Variants in GLI3 observed in about 807,000 individuals in gnomAD.
GLI3 encodes GLI family zinc finger 3.
A neutral mutation model predicts 100.8 loss-of-function variants in GLI3; 20 were observed. The ratio of observed to expected loss-of-function variants is 0.20; its 90% CI spans 0.14 to 0.29. The LOEUF (loss-of-function observed/expected upper bound fraction) is 0.29. Among genes scored for constraint, GLI3 ranks in the 10% least tolerant of loss-of-function variants. The probability of loss-of-function intolerance (pLI) is 1.00; values close to 1 mark genes in which losing one functional copy is unlikely to be tolerated. For missense variants in GLI3, 2,040 were observed against 2,128.5 expected (o/e 0.96, Z 0.82); for synonymous variants, 938 against 860.5 (o/e 1.09, Z -1.58).
At chr7:41,981,561 G>T (rs1787669304) in intron 10 of GLI3, among the ~76,000 whole-genome samples, 1 of 152,112 alleles carries the variant, frequency 6.6e-6, no homozygotes, top group African/African-American at 2.4e-5. Flanking sequence ...GGAGGAGCTG[G>T]ACCCTAGAAA....
intron 3 of GLI3, among the ~76,000 whole-genome samples, chr7:42,103,749 C>T (rs1331985259): frequency 6.9e-6 from 1 of 144,166 alleles, no homozygotes; most frequent in Non-Finnish European, 1.5e-5. Context: ...TCCAAGAGCA[C>T]CCAAGATAAC....
intron 1 of GLI3, among the ~76,000 whole-genome samples, chr7:42,224,277 T>C (rs1788544298): frequency 6.6e-6 from 1 of 152,244 alleles, no homozygotes; most frequent in Non-Finnish European, 1.5e-5. Context: ...TCTTGCTTAT[T>C]TTTCTACATT....
chr7:41,965,307 T>G lies in GLI3; in HGVS notation c.3766A>C (p.Asn1256His). Residue 1256 changes from asparagine (N) to histidine (H), a missense_variant, in exon 15 of 15, where the codon AAC (asparagine) becomes CAC (histidine). This residue lies in a region of GLI3 where 1,041 missense variants were observed against 924.0 expected (regional missense o/e 1.13). Transcript: ENST00000395925. ...EQPCKAPQYG[N>H]CLNRQPVAPG... is the part of the protein sequence containing the mutation. ...GCCACTGGCTGCCTGTTGAGACAGT[T>G]CCCATACTGCGGGGCCTTACAGGGC... 6.2e-7 allele frequency: 1 copy of G among 1,613,966 alleles called. No individual in the cohort carries two copies. Among genetic ancestry groups the G allele is most frequent in the Non-Finnish European group, 8.5e-7 (1 of 1,179,934 alleles).
chr7:42,257,640 G>A (rs1028789458), intron 1 of GLI3, among the ~76,000 whole-genome samples: 1 of 152,072 alleles, frequency 6.6e-6, no homozygotes, highest in Non-Finnish European at 1.5e-5. Flanking sequence ...CACCGTGCAC[G>A]TCCCATTCAG....
At chr7:41,990,773 A>C (rs1432183387) in intron 10 of GLI3, among the ~76,000 whole-genome samples, 1 of 152,122 alleles carries the variant, frequency 6.6e-6, no homozygotes, top group Non-Finnish European at 1.5e-5. Flanking sequence ...GCTCTCCCTG[A>C]AGGCCTACTG....
intron 2 of GLI3, among the ~76,000 whole-genome samples, chr7:42,159,426 G>A (rs552434657): frequency 4.6e-5 from 7 of 152,294 alleles, no homozygotes; most frequent in Admixed American, 3.3e-4. Context: ...GGAAAGGAAT[G>A]CTAAATGAGT....
At chr7:42,254,190 G>T (rs1402845040) in intron 1 of GLI3, among the ~76,000 whole-genome samples, 3 of 140,854 alleles carry the variant, frequency 2.1e-5, no homozygotes, top group Non-Finnish European at 4.6e-5. Flanking sequence ...CTGCACTCCA[G>T]CCTGGGCAAC....
At chr7:42,110,479 CACAT>C (rs1244909527) in intron 3 of GLI3, among the ~76,000 whole-genome samples, 2 of 152,130 alleles carry the variant, frequency 1.3e-5, no homozygotes, top group African/African-American at 4.8e-5. Flanking sequence ...TCGTTATTTC[CACAT>C]ACAATCACCT....
Position 42,100,061 on chromosome 7 carries a change from A to C in GLI3, c.368-23204T>G, listed in dbSNP as rs201199021. On this transcript the variant is annotated intron_variant, in intron 3 of 14. Coordinates refer to ENST00000395925, the MANE Select transcript of GLI3 (RefSeq NM_000168.6). ...TGTGTCATCCTCTTCAAGTCTAAAC[A>C]CAGGCAGCTTTCTCATAGCAAGTGG... 1.4e-4 allele frequency among the ~76,000 whole-genome samples: 21 copies of C among 152,376 alleles called. 1 individual carries two copies. In the East Asian group the frequency reaches 3.7e-3, roughly 27 times the overall value.
rs75469478 is a variant in GLI3 at position 41,998,498 on chromosome 7, T to C, written c.1498-19750A>G. Among the ~76,000 whole-genome samples, 288 of 152,324 alleles carry C rather than the reference T, an allele frequency of 1.9e-3. 2 individuals carry two copies. Among genetic ancestry groups the C allele is most frequent in the East Asian group, 0.016 (81 of 5,170 alleles). On this transcript the variant is annotated intron_variant, in intron 10 of 14. Coordinates refer to ENST00000395925, the MANE Select transcript of GLI3 (RefSeq NM_000168.6). ...GGACCTATTCCATGGCCCTCACTTA[T>C]ATAATTTTTCCCTTCTTAAATGCCT...
intron 2 of GLI3, among the ~76,000 whole-genome samples, chr7:42,176,749 AGG>A (rs1196322229): frequency 6.6e-6 from 1 of 152,246 alleles, no homozygotes; most frequent in Non-Finnish European, 1.5e-5. Context: ...AGGTCAGTGA[AGG>A]TGGGATATTG....
chr7:42,102,895 G>A (rs1202868802), intron 3 of GLI3, among the ~76,000 whole-genome samples: 1 of 152,144 alleles, frequency 6.6e-6, no homozygotes, highest in Non-Finnish European at 1.5e-5. Context: ...CCTAATTGTG[G>A]CATATTATAA....
At chr7:42,152,186 T>G (rs1786887045) in intron 2 of GLI3, 1 of 153,698 alleles carries the variant, frequency 6.5e-6, no homozygotes, top group Admixed American at 6.5e-5. Flanking sequence ...TAAGGACACC[T>G]CCTGTCACCT....
chr7:42,045,112 A>G (rs1784218610), intron 6 of GLI3, among the ~76,000 whole-genome samples: 1 of 152,128 alleles, frequency 6.6e-6, no homozygotes, highest in Admixed American at 6.5e-5. Context: ...GATTTTTTTT[A>G]ACCAGCTAAT....
At chr7:42,103,796 C>G (rs76356935) in intron 3 of GLI3, among the ~76,000 whole-genome samples, 3,714 of 152,224 alleles carry the variant, frequency 0.024, 58 homozygotes, top group Middle Eastern at 0.031. Context: ...CTAAATCTGT[C>G]TCTCAAGCTT....
rs542306703 is a variant in GLI3, at chr7:42,207,871, A to T, written c.124+15259T>A. Among the ~76,000 whole-genome samples, 188 of 152,324 alleles carry T rather than the reference A, an allele frequency of 1.2e-3. 4 individuals carry two copies. The highest frequency in any genetic ancestry group is 3.2e-3 in the Admixed American group (49 of 15,300). ...CAAGTATTCCTTTCATAAAAATAAAAGCACAGCCGAGCACGGTGGCTCACG... is the reference window on the plus strand; with the variant it reads ...CAAGTATTCCTTTCATAAAAATAAATGCACAGCCGAGCACGGTGGCTCACG... On this transcript the variant is annotated intron_variant, in intron 2 of 14. Transcript: ENST00000395925.
chr7:42,138,216 G>A (rs1786476544), intron 3 of GLI3, among the ~76,000 whole-genome samples: 1 of 152,158 alleles, frequency 6.6e-6, no homozygotes, highest in African/African-American at 2.4e-5. Context: ...AATGGAGTGA[G>A]ACTCGAGGCA....
intron 7 of GLI3, among the ~76,000 whole-genome samples, chr7:42,030,970 C>T (rs113583677): frequency 2.6e-5 from 4 of 151,922 alleles, no homozygotes; most frequent in African/African-American, 2.4e-5. Context: ...CCGGCCGCCT[C>T]GGCCTCCCAA....
intron 10 of GLI3, 39 bp downstream of exon 10, chr7:42,023,429 A>T: frequency 6.2e-7 from 1 of 1,609,694 alleles, no homozygotes; most frequent in Non-Finnish European, 8.5e-7. Flanking sequence ...AAAGTGTCAC[A>T]GAGCTGTAAA....
Sources: allele counts gnomAD v4.1 joint callset (sites outside exome capture counted in the v4.1 genomes callset), GRCh38; gene constraint gnomAD v4.1.1; regional missense constraint gnomAD v4.1.1; transcripts MANE v1.5; gene names NCBI Gene and HGNC (gene_info 2026-07-23, HGNC 2026-07-21).